TBL2: variants seen among roughly 807,000 people sequenced by gnomAD.
TBL2 encodes transducin beta-like protein 2.
A neutral mutation model predicts 41.8 loss-of-function variants in TBL2; 33 were observed. The observed-to-expected ratio is 0.79, with a 90% CI of 0.60 to 1.06. The LOEUF is 1.06. Ranked by LOEUF, TBL2 falls within the 50% of genes least tolerant of loss-of-function variation. TBL2 has a pLI of 0.00. For synonymous variants in TBL2, 239 were observed against 241.7 expected (o/e 0.99, Z 0.10); for missense variants, 522 against 603.8 (o/e 0.86, Z 1.42).
chr7:73,578,291 A>G, intron 1 of TBL2, 129 bp downstream of exon 1: 2 of 1,535,086 alleles, frequency 1.3e-6, no homozygotes, highest in Non-Finnish European at 1.7e-6. Context: ...TCACGTTACC[A>G]GAGGAGAAAC....
At chr7:73,578,388 G>A (rs1793473987) in intron 1 of TBL2, 32 bp downstream of exon 1, 4 of 1,521,418 alleles carry the variant, frequency 2.6e-6, no homozygotes, top group East Asian at 2.6e-5. Flanking sequence ...GGGACACCGC[G>A]GGCCGCCCCC....
chr7:73,570,637 T>C lies in TBL2; in HGVS notation c.1214A>G (p.His405Arg). 6.2e-7 allele frequency: 1 copy of C among 1,613,640 alleles called. No homozygotes were observed. The stretch of plus-strand genomic sequence containing the variant: ...CTGCATCTCCTCCACCATGGCTCGG[T>C]GGCCAGGAGTGTTGTGAAACAGCCG... ...AVRLFHNTPG[H>R]RAMVEEMQGH... The change falls in exon 7 of 7, where the codon CAC becomes CGC. Residue 405 changes from histidine (H) to arginine (R), a missense_variant. Physicochemically the swap from His to Arg is conservative, Grantham distance 29. Transcript: ENST00000305632.
intron 5 of TBL2, 64 bp downstream of exon 5, chr7:73,572,780 T>C: frequency 6.2e-7 from 1 of 1,610,354 alleles, no homozygotes; most frequent in Non-Finnish European, 8.5e-7. Flanking sequence ...GGCTCTCTGT[T>C]CTGTGCCTGC....
intron 4 of TBL2, 32 bp downstream of exon 4, chr7:73,573,288 T>C (rs1554588139): frequency 6.2e-7 from 1 of 1,611,472 alleles, no homozygotes; most frequent in Non-Finnish European, 8.5e-7. Context: ...CTTCATGCTT[T>C]GGGCAGGCGC....
At chr7:73,576,571 T>C (rs569253697) in intron 1 of TBL2, 9 of 455,870 alleles carry the variant, frequency 2.0e-5, no homozygotes, top group Admixed American at 1.6e-4. Flanking sequence ...GAAGTCAACA[T>C]CTGTTGAGTC....
intron 1 of TBL2, among the ~76,000 whole-genome samples, chr7:73,577,774 G>A (rs1793431779): frequency 6.6e-6 from 1 of 152,128 alleles, no homozygotes; most frequent in East Asian, 1.9e-4. Flanking sequence ...CTCCCATGGA[G>A]CTGGGACTAC....
chr7:73,577,204 G>A (rs1793377206), intron 1 of TBL2, among the ~76,000 whole-genome samples: 1 of 144,570 alleles, frequency 6.9e-6, no homozygotes, highest in Admixed American at 7.2e-5. Flanking sequence ...AGCTTGCAGT[G>A]AGCCGAGATC....
chr7:73,574,726 T>C lies in TBL2; in HGVS notation c.131-213A>G, dbSNP rs1793189159. 3 of 649,550 alleles carry C rather than the reference T, an allele frequency of 4.6e-6. No homozygotes were observed. The East Asian group carries it at 8.7e-5, about 19-fold the overall frequency. 40.2% of individuals were successfully genotyped at this position (649,550 alleles called of 1,614,324 possible). On this transcript the variant is annotated intron_variant, in intron 1 of 6. Coordinates refer to ENST00000305632, the MANE Select transcript of TBL2 (RefSeq NM_012453.4). ...CTGTAATCCCAATGCTTTGGATCAT[T>C]TGAGCCCAGGAGTTCGAGGCTGCAG...
rs1353636233 is a variant in TBL2, at chr7:73,568,084, GTC to G, written c.*2421_*2422del. On this transcript the variant is annotated 3_prime_UTR_variant, in exon 7 of 7. Transcript: ENST00000305632. The stretch of plus-strand genomic sequence containing the variant: ...CCTTGTGTGCACAGCATTGCCAAAA[GTC>G]TGTGGTTAGGAACATACAAAACCAC... Among the ~76,000 whole-genome samples the G allele has an allele frequency of 4.6e-5, 7 of 152,246 alleles. No individual in the cohort carries two copies. Among genetic ancestry groups the G allele is most frequent in the African/African-American group, 1.7e-4 (7 of 41,468 alleles).
intron 1 of TBL2, chr7:73,574,794 A>G (rs1416434558): frequency 1.9e-6 from 1 of 528,172 alleles, no homozygotes; most frequent in Non-Finnish European, 3.5e-6. Context: ...CCTGAGTGAC[A>G]GAGCAAGACC....
At chr7:73,576,217 T>G (rs1437166135) in intron 1 of TBL2, among the ~76,000 whole-genome samples, 2 of 150,016 alleles carry the variant, frequency 1.3e-5, no homozygotes, top group Non-Finnish European at 3.0e-5. Flanking sequence ...TTTTTTTTTT[T>G]TGTTTGATAC....
chr7:73,574,011 G>C lies in TBL2; in HGVS notation c.373C>G (p.Arg125Gly). The change falls in exon 3 of 7, where the codon CGA becomes GGA. Residue 125 changes from arginine to glycine, a missense_variant. Physicochemically the swap from Arg to Gly is moderately radical, Grantham distance 125. Transcript: ENST00000305632. ...TTGGCTCTCATGCTGCGGTGCTCTC[G>C]CTGCAGGAAGTCCTTGGTGCTCCAG... Reference protein sequence around the residue: ...RIWSTKDFLQREHRSMRANVE... With the variant: ...RIWSTKDFLQGEHRSMRANVE... 2 of 1,614,190 alleles carry C rather than the reference G, an allele frequency of 1.2e-6. No individual in the cohort carries two copies. The highest frequency in any genetic ancestry group is 1.7e-6 in the Non-Finnish European group (2 of 1,180,034).
rs1252116168 is a variant in TBL2, at chr7:73,567,932, T to G, written c.*2575A>C. Among the ~76,000 whole-genome samples the G allele has an allele frequency of 6.6e-6, 1 of 152,158 alleles. No individual in the cohort carries two copies. The highest frequency in any genetic ancestry group is 1.5e-5 in the Non-Finnish European group (1 of 68,016). ...GACATCTGACTTCAGTAACTCAACATTCTACTGCCACTTCCTGTCCTGGAT... is the reference window on the plus strand; with the variant it reads ...GACATCTGACTTCAGTAACTCAACAGTCTACTGCCACTTCCTGTCCTGGAT... On this transcript the variant is annotated 3_prime_UTR_variant, in exon 7 of 7. Transcript: ENST00000305632.
Position 73,570,674 on chromosome 7 carries a change from C to A in TBL2, c.1177G>T (p.Asp393Tyr), listed in dbSNP as rs1554587226. The A allele has an allele frequency of 3.1e-6, 5 of 1,613,922 alleles. No homozygotes were observed. The African/African-American group carries it at 6.7e-5, about 22-fold the overall frequency. Residue 393 changes from aspartate to tyrosine, a missense_variant, in exon 7 of 7, where the codon GAC (aspartate) becomes TAC (tyrosine). Coordinates refer to ENST00000305632, the MANE Select transcript of TBL2 (RefSeq NM_012453.4). ...ITGRFLASCGDRAVRLFHNTP... is the reference protein window; with the variant it reads ...ITGRFLASCGYRAVRLFHNTP... ...TTGTGAAACAGCCGCACCGCCCGGT[C>A]CCCACAGGAGGCCAGAAAGCGGCCA...
intron 1 of TBL2, among the ~76,000 whole-genome samples, chr7:73,577,261 CTG>C (rs797036604): frequency 0.064 from 7,283 of 113,308 alleles, 277 homozygotes; most frequent in Non-Finnish European, 0.091. Context: ...CTCCGTCCCC[CTG>C]CAAAAAAAAA....
chr7:73,570,671 G>A lies in TBL2; in HGVS notation c.1180C>T (p.Arg394Trp), dbSNP rs782799644. 20 of 1,613,974 alleles carry A rather than the reference G, an allele frequency of 1.2e-5. No individual in the cohort carries two copies. Among genetic ancestry groups the A allele is most frequent in the South Asian group, 5.5e-5 (5 of 91,074 alleles). Reference sequence around the variant, plus strand: ...GTGTTGTGAAACAGCCGCACCGCCCGGTCCCCACAGGAGGCCAGAAAGCGG... The same window carrying A: ...GTGTTGTGAAACAGCCGCACCGCCCAGTCCCCACAGGAGGCCAGAAAGCGG... ...TGRFLASCGDRAVRLFHNTPG... is the reference protein window; with the variant it reads ...TGRFLASCGDWAVRLFHNTPG... Residue 394 changes from arginine (R) to tryptophan (W), a missense_variant, in exon 7 of 7, where the codon CGG becomes TGG. By Grantham distance (101) the Arg-to-Trp change is moderately radical. Transcript: ENST00000305632.
chr7:73,578,541 G>A lies in TBL2; in HGVS notation c.9C>T (p.Leu3=). Residue 3 remains leucine (L), a synonymous_variant, in exon 1 of 7, where the codon CTC becomes CTT. Transcript: ENST00000305632. Reference sequence around the variant, plus strand: ...GCCCCATGAGCTCCGACATCTGCGAGAGCTCCATGTTGGTGGAACCACTGC... The same window carrying A: ...GCCCCATGAGCTCCGACATCTGCGAAAGCTCCATGTTGGTGGAACCACTGC... The part of the protein sequence containing the change: ME[L]SQMSELMGLS... 6.3e-7 allele frequency: 1 copy of A among 1,592,174 alleles called. No individual in the cohort carries two copies. Among genetic ancestry groups the A allele is most frequent in the Non-Finnish European group, 8.5e-7 (1 of 1,171,090 alleles).
rs1283510157 is a variant in TBL2, at chr7:73,567,555, A to T, written c.*2952T>A. ...ACCGCCATTTAAAATATTTCCCCAAATTTTTTTTTTGAAAAATTTCACACC... is the reference window on the plus strand; with the variant it reads ...ACCGCCATTTAAAATATTTCCCCAATTTTTTTTTTTGAAAAATTTCACACC... On this transcript the variant is annotated 3_prime_UTR_variant, in exon 7 of 7. Transcript: ENST00000305632. 1.3e-5 allele frequency among the ~76,000 whole-genome samples: 2 copies of T among 150,934 alleles called. No homozygotes were observed. The highest frequency in any genetic ancestry group is 3.4e-3 in the Middle Eastern group (1 of 292).
intron 4 of TBL2, 92 bp downstream of exon 4, chr7:73,573,228 A>T: frequency 6.5e-7 from 1 of 1,544,332 alleles, no homozygotes; most frequent in Non-Finnish European, 8.8e-7. Flanking sequence ...CAGGTTGAGC[A>T]GAACTTTCAG....
Sources: gnomAD v4.1 joint callset for allele counts (sites outside exome capture counted in the v4.1 genomes callset) on GRCh38, gnomAD v4.1.1 for gene constraint, MANE v1.5 for transcripts, NCBI Gene and HGNC (gene_info 2026-07-23, HGNC 2026-07-21) for gene names.